The following HHLA1 variants were observed in gnomAD, a reference collection of about 807,000 sequenced individuals.
HHLA1 encodes HHLA1 neighbor of OC90, also known as HERV-H LTR-associating protein 1.
A neutral mutation model predicts 69.9 loss-of-function variants in HHLA1; 72 were observed. The observed-to-expected ratio is 1.03, with a 90% CI of 0.85 to 1.25. HHLA1 has a LOEUF of 1.25. Ranked by LOEUF, HHLA1 falls within the 50% of genes most tolerant of loss-of-function variation. The pLI, the probability that HHLA1 is intolerant of heterozygous loss-of-function variation, is 0.00. For missense variants in HHLA1, 685 were observed against 642.2 expected, an observed-to-expected ratio of 1.07 and a Z score of -0.72; for synonymous variants, 252 against 233.2, an observed-to-expected ratio of 1.08 and a Z score of -0.73.
chr8:132,098,903 T>A lies in HHLA1; in HGVS notation c.259A>T (p.Met87Leu). ...TTACCTTTTAACGCTCTACTGAGCA[T>A]CCCATTCACAAGCTCTGTCAGGTTA... ...ALNLTELVNGMLSRALKDSKK... is the reference protein window; with the variant it reads ...ALNLTELVNGLLSRALKDSKK... The change falls in exon 5 of 17, where the codon ATG becomes TTG. Residue 87 changes from methionine to leucine, a missense_variant. Coordinates refer to ENST00000414222, the MANE Select transcript of HHLA1 (RefSeq NM_001145095.3). The A allele has an allele frequency of 6.4e-7, 1 of 1,550,726 alleles. No homozygotes were observed. Among genetic ancestry groups the A allele is most frequent in the Non-Finnish European group, 8.7e-7 (1 of 1,146,080 alleles).
chr8:132,102,667 GACCA>G (rs1824128765), intron 3 of HHLA1, among the ~76,000 whole-genome samples: 1 of 152,180 alleles, frequency 6.6e-6, no homozygotes, highest in Non-Finnish European at 1.5e-5. Flanking sequence ...GCAGGTGAGG[GACCA>G]GGATTATGTC....
At position 132,076,515 on chromosome 8, in the gene HHLA1, C is replaced by A. The variant is rs769636200; in HGVS notation, c.1200G>T (p.Pro400=). The A allele has an allele frequency of 2.0e-6, 3 of 1,502,778 alleles. No individual in the cohort carries two copies. The highest frequency in any genetic ancestry group is 2.7e-6 in the Non-Finnish European group (3 of 1,119,082). 93.1% of individuals were successfully genotyped at this position (1,502,778 alleles called of 1,614,324 possible). ...TGGGGGCTGTTGCCTTGGTTGGACT[C>A]GGAGTCTGTGTGCCATGGGTGAATG... ...LGAFTHGTQT[P]SPTKATAPRY... The change falls in exon 13 of 17, where the codon CCG becomes CCT. Residue 400 remains proline, a synonymous_variant. Coordinates refer to ENST00000414222, the MANE Select transcript of HHLA1 (RefSeq NM_001145095.3).
intron 10 of HHLA1, among the ~76,000 whole-genome samples, chr8:132,081,910 G>C (rs1002789536): frequency 2.6e-5 from 4 of 152,188 alleles, no homozygotes; most frequent in African/African-American, 9.7e-5. Context: ...TAAGAGGTGG[G>C]CTAGTGGCTT....
At chr8:132,070,740 TCTCAA>T (rs1823520591) in intron 15 of HHLA1, among the ~76,000 whole-genome samples, 1 of 147,568 alleles carries the variant, frequency 6.8e-6, no homozygotes, top group African/African-American at 2.5e-5. Context: ...ACTCAACACA[TCTCAA>T]CTCAACACAA....
chr8:132,092,699 C>T (rs976224563), intron 7 of HHLA1, among the ~76,000 whole-genome samples: 1 of 152,212 alleles, frequency 6.6e-6, no homozygotes, highest in African/African-American at 2.4e-5. Flanking sequence ...CTCATGCTTC[C>T]TGTACAGCCT....
chr8:132,100,166 G>T (rs758618616), intron 3 of HHLA1, 32 bp from the exon 4 acceptor site: 29 of 1,478,976 alleles, frequency 2.0e-5, no homozygotes, highest in Non-Finnish European at 2.4e-5. Flanking sequence ...TGAGAAAAAT[G>T]TGAGTGGTCC....
intron 7 of HHLA1, among the ~76,000 whole-genome samples, chr8:132,092,298 A>G (rs1446900637): frequency 6.6e-6 from 1 of 152,200 alleles, no homozygotes; most frequent in African/African-American, 2.4e-5. Context: ...TAGCCATGAG[A>G]TTAAATTCTG....
rs78159324 is a variant in HHLA1, at chr8:132,090,634, C to T, written c.449-1035G>A. ...AGCCATGAGGTGGTCTTACTATATC[C>T]GCACAGGCACATTTTAACCTCCTGG... On this transcript the variant is annotated intron_variant, in intron 7 of 16. Transcript: ENST00000414222. 6.6e-3 allele frequency among the ~76,000 whole-genome samples: 1,006 copies of T among 152,252 alleles called. 9 individuals are homozygous for T. The highest frequency in any genetic ancestry group is 0.023 in the African/African-American group (935 of 41,540).
chr8:132,068,984 C>T (rs951482351), intron 15 of HHLA1, among the ~76,000 whole-genome samples: 3 of 152,164 alleles, frequency 2.0e-5, no homozygotes, highest in Non-Finnish European at 2.9e-5. Flanking sequence ...TTTATTTATT[C>T]TGAACAAGGA....
At chr8:132,072,491 G>A (rs956543521) in intron 14 of HHLA1, among the ~76,000 whole-genome samples, 6 of 152,090 alleles carry the variant, frequency 3.9e-5, no homozygotes, top group African/African-American at 1.2e-4. Flanking sequence ...ACTGGTGACA[G>A]CCACTAGAGC....
chr8:132,092,937 C>A (rs570471580), intron 7 of HHLA1, among the ~76,000 whole-genome samples: 19 of 152,330 alleles, frequency 1.2e-4, no homozygotes, highest in Admixed American at 3.3e-4. Flanking sequence ...AACCATCAAA[C>A]CATTAGAGCA....
chr8:132,096,293 T>G (rs1197420426), intron 5 of HHLA1, among the ~76,000 whole-genome samples: 3 of 152,212 alleles, frequency 2.0e-5, no homozygotes, highest in Non-Finnish European at 4.4e-5. Context: ...TCTGTGTGTG[T>G]CTCCTTTGCC....
chr8:132,110,873 T>C (rs1326583285), intron 1 of HHLA1, among the ~76,000 whole-genome samples: 1 of 152,178 alleles, frequency 6.6e-6, no homozygotes, highest in African/African-American at 2.4e-5. Context: ...TTCTAATCAA[T>C]AGCTTAAAAT....
At chr8:132,080,044 C>T (rs978231572) in intron 10 of HHLA1, 78 bp from the exon 11 acceptor site, 9 of 1,492,772 alleles carry the variant, frequency 6.0e-6, no homozygotes, top group Non-Finnish European at 8.2e-6. Context: ...CACTGGACTG[C>T]AAATATATGA....
intron 10 of HHLA1, among the ~76,000 whole-genome samples, chr8:132,082,426 C>A (rs961459137): frequency 3.3e-5 from 5 of 152,178 alleles, no homozygotes; most frequent in African/African-American, 1.2e-4. Context: ...CCACACTAAC[C>A]ATGCCTAGGA....
chr8:132,080,051 A>G (rs1218955342), intron 10 of HHLA1, 85 bp from the exon 11 acceptor site: 3 of 1,475,244 alleles, frequency 2.0e-6, no homozygotes, highest in South Asian at 2.4e-5. Flanking sequence ...CTGCAAATAT[A>G]TGAATGTGGA....
At chr8:132,077,243 A>C (rs573179064) in intron 12 of HHLA1, among the ~76,000 whole-genome samples, 34 of 152,290 alleles carry the variant, frequency 2.2e-4, no homozygotes, top group Admixed American at 9.8e-4. Flanking sequence ...GTCAAGCAGC[A>C]CAGCAGTTCT....
In HHLA1 at chr8:132,061,734, A is replaced by G. The variant is rs1586720289; in HGVS notation, c.*2261T>C. 1 of 151,962 alleles carries G rather than the reference A, an allele frequency of 6.6e-6. No individual in the cohort carries two copies. The highest frequency in any genetic ancestry group is 1.5e-5 in the Non-Finnish European group (1 of 68,000). 9.4% of individuals were successfully genotyped at this position (151,962 alleles called of 1,614,324 possible). A position where few individuals can be genotyped will look rare whatever the true frequency, so the allele number is the denominator to read the frequency against. ...TCAAACCTCTTATGAACTCCAGGAG[A>G]CCAGTTGGACTCCAGGCAGTCGTCA... On this transcript the variant is annotated 3_prime_UTR_variant, in exon 17 of 17. Transcript: ENST00000414222.
At chr8:132,076,208 A>G (rs1298050295) in intron 13 of HHLA1, 79 bp from the exon 14 acceptor site, 6 of 1,001,310 alleles carry the variant, frequency 6.0e-6, no homozygotes, top group Non-Finnish European at 9.1e-6. Context: ...AATTTATAAC[A>G]TCTTAAAGGT....
Sources: gnomAD v4.1 joint callset for allele counts (sites outside exome capture counted in the v4.1 genomes callset) on GRCh38, gnomAD v4.1.1 for gene constraint, MANE v1.5 for transcripts, NCBI Gene and HGNC (gene_info 2026-07-23, HGNC 2026-07-21) for gene names.